PAFAH1B2: variants seen among roughly 807,000 people sequenced by gnomAD.
PAFAH1B2 encodes the protein platelet activating factor acetylhydrolase 1b catalytic subunit 2.
In PAFAH1B2, 8 loss-of-function variants were observed where a neutral mutation model predicts 28.0. The observed-to-expected ratio is 0.29, with a 90% confidence interval of 0.17 to 0.52. PAFAH1B2 has a LOEUF of 0.52. PAFAH1B2 is among the 20% of genes least tolerant of loss of function. The probability of loss-of-function intolerance (pLI) is 0.97; values close to 1 mark genes in which losing one functional copy is unlikely to be tolerated. For synonymous variants in PAFAH1B2, 104 were observed against 103.2 expected (o/e 1.01, Z -0.05); for missense variants, 190 against 282.6 (o/e 0.67, Z 2.35).
chr11:117,165,880 C>T (rs1375004385), intron 5 of PAFAH1B2, among the ~76,000 whole-genome samples: 3 of 150,866 alleles, frequency 2.0e-5, no homozygotes, highest in Non-Finnish European at 4.4e-5. Context: ...CGCTCTACTG[C>T]CCAGGCTGGA....
In PAFAH1B2 at chr11:117,155,970, T is replaced by G. The variant is rs183684839; in HGVS notation, c.81+3442T>G. On this transcript the variant is annotated intron_variant, in intron 2 of 5. Transcript: ENST00000527958. The stretch of plus-strand genomic sequence containing the variant: ...CTTTGGGAGGCTGAGGCCAGTAGAT[T>G]GTTTGAGGCCAGAAGTGCAGCCTAG... 1.2e-3 allele frequency among the ~76,000 whole-genome samples: 180 copies of G among 152,112 alleles called. 1 individual carries two copies. Among genetic ancestry groups the G allele is most frequent in the Admixed American group, 3.3e-3 (50 of 15,254 alleles).
intron 2 of PAFAH1B2, among the ~76,000 whole-genome samples, chr11:117,155,246 C>A (rs923031643): frequency 2.6e-5 from 4 of 152,218 alleles, no homozygotes; most frequent in Non-Finnish European, 5.9e-5. Flanking sequence ...TGAGCCACCA[C>A]ATCCCTGGCC....
At chr11:117,172,670 G>T (rs1229613266), downstream of PAFAH1B2, among the ~76,000 whole-genome samples, 1 of 151,976 alleles carries the variant, frequency 6.6e-6, no homozygotes, top group East Asian at 1.9e-4. Flanking sequence ...CCCCTATCTG[G>T]AATATGCTCT....
Position 117,169,652 on chromosome 11 carries a change from A to C in PAFAH1B2, c.*1953A>C. On this transcript the variant is annotated 3_prime_UTR_variant, in exon 6 of 6. Transcript: ENST00000527958. ...GTATCATGTCTTCATTAACAACAGA[A>C]AATCCACATGGTGTTTACTAAACTT... 1.9e-6 allele frequency: 2 copies of C among 1,053,624 alleles called. No homozygotes were observed. Among genetic ancestry groups the C allele is most frequent in the Non-Finnish European group, 2.3e-6 (2 of 871,288 alleles). The allele number at this position is 1,053,624 out of a possible 1,614,324, so 65.3% of individuals were successfully genotyped here.
chr11:117,153,671 G>A (rs1174422277), intron 2 of PAFAH1B2, among the ~76,000 whole-genome samples: 2 of 152,142 alleles, frequency 1.3e-5, no homozygotes, highest in African/African-American at 2.4e-5. Context: ...GATTACAGGC[G>A]TGAGCCACCA....
chr11:117,174,768 G>T (rs1320545612), downstream of PAFAH1B2: 2 of 554,430 alleles, frequency 3.6e-6, no homozygotes, highest in Non-Finnish European at 6.1e-6. Flanking sequence ...GTGAGCCACT[G>T]CACCTGACCT....
intron 1 of PAFAH1B2, among the ~76,000 whole-genome samples, chr11:117,149,535 T>C (rs1420223400): frequency 6.9e-6 from 1 of 145,482 alleles, no homozygotes; most frequent in Non-Finnish European, 1.5e-5. Context: ...CACGCCATTC[T>C]CCTGCCTCAG....
At chr11:117,155,467 G>A (rs531347548) in intron 2 of PAFAH1B2, among the ~76,000 whole-genome samples, 1 of 152,194 alleles carries the variant, frequency 6.6e-6, no homozygotes, top group Admixed American at 6.5e-5. Flanking sequence ...ATGATAGGAA[G>A]TGTAACTTTG....
At chr11:117,150,848 C>T (rs1024998710) in intron 1 of PAFAH1B2, among the ~76,000 whole-genome samples, 4 of 151,836 alleles carry the variant, frequency 2.6e-5, no homozygotes, top group Non-Finnish European at 4.4e-5. Flanking sequence ...ATTAGCTGGG[C>T]GTGGTGGCGG....
At chr11:117,146,526 C>A (rs1272395993) in intron 1 of PAFAH1B2, among the ~76,000 whole-genome samples, 1 of 152,206 alleles carries the variant, frequency 6.6e-6, no homozygotes, top group Admixed American at 6.5e-5. Flanking sequence ...AAGACCTCGT[C>A]TCTACGAAAT....
intron 1 of PAFAH1B2, among the ~76,000 whole-genome samples, chr11:117,150,953 A>C (rs1591732383): frequency 3.4e-5 from 5 of 148,896 alleles, no homozygotes; most frequent in Admixed American, 2.7e-4. Flanking sequence ...GCGCCACTGC[A>C]CTCCAGCCTC....
downstream of PAFAH1B2, chr11:117,175,769 C>T (rs2029944497): frequency 1.8e-6 from 2 of 1,090,870 alleles, no homozygotes; most frequent in South Asian, 1.6e-5. Flanking sequence ...ACATCTTGCC[C>T]CAAAGTTATG....
intron 1 of PAFAH1B2, among the ~76,000 whole-genome samples, chr11:117,145,368 C>A (rs1036711546): frequency 6.6e-6 from 1 of 152,060 alleles, no homozygotes; most frequent in Non-Finnish European, 1.5e-5. Flanking sequence ...AGAGCTTACC[C>A]GTAGAGAAAG....
At chr11:117,172,396 ATATATATATTTTTTTTTTTTTT>A (rs1956689326), downstream of PAFAH1B2, among the ~76,000 whole-genome samples, 3 of 2,502 alleles carry the variant, frequency 1.2e-3, no homozygotes, top group Non-Finnish European at 2.6e-3. Context: ...ATATATATAT[ATATATATATTTTTTTTTTTTTT>A]TTTTTTTTTT....
intron 2 of PAFAH1B2, among the ~76,000 whole-genome samples, chr11:117,154,636 T>G (rs1048747123): frequency 1.3e-5 from 2 of 152,098 alleles, no homozygotes; most frequent in Non-Finnish European, 2.9e-5. Context: ...AGATAGGGTC[T>G]CACTATATTG....
At chr11:117,158,107 C>G (rs1318094811) in intron 2 of PAFAH1B2, among the ~76,000 whole-genome samples, 1 of 152,138 alleles carries the variant, frequency 6.6e-6, no homozygotes, top group Non-Finnish European at 1.5e-5. Context: ...CACTACACTC[C>G]AGCCTGAGTG....
At chr11:117,147,899 G>C (rs1203616551) in intron 1 of PAFAH1B2, among the ~76,000 whole-genome samples, 1 of 152,128 alleles carries the variant, frequency 6.6e-6, no homozygotes, top group East Asian at 1.9e-4. Flanking sequence ...GTTTCTCTAT[G>C]TGTATGCTTT....
chr11:117,161,788 C>G (rs1284684293), intron 4 of PAFAH1B2, among the ~76,000 whole-genome samples: 4 of 152,062 alleles, frequency 2.6e-5, no homozygotes, highest in African/African-American at 9.7e-5. Flanking sequence ...GAATTACAAG[C>G]ATGAGCCACC....
chr11:117,157,436 C>T (rs1482738346), intron 2 of PAFAH1B2, among the ~76,000 whole-genome samples: 1 of 152,166 alleles, frequency 6.6e-6, no homozygotes. Flanking sequence ...GCTGCCACAC[C>T]TGACCAGAGG....
Sources: allele counts gnomAD v4.1 joint callset (sites outside exome capture counted in the v4.1 genomes callset), GRCh38; gene constraint gnomAD v4.1.1; transcripts MANE v1.5; gene names NCBI Gene and HGNC (gene_info 2026-07-23, HGNC 2026-07-21).